The following OR9Q1 variants were observed in gnomAD, a reference collection of about 807,000 sequenced individuals.
OR9Q1 encodes olfactory receptor family 9 subfamily Q member 1.
For synonymous variants in OR9Q1, 153 were observed against 148.6 expected (o/e 1.03, Z -0.22); for missense variants, 374 against 378.8 (o/e 0.99, Z 0.11).
intron 2 of OR9Q1, among the ~76,000 whole-genome samples, chr11:58,174,395 C>T (rs1017820342): frequency 3.9e-5 from 6 of 152,112 alleles, no homozygotes; most frequent in Non-Finnish European, 8.8e-5. Flanking sequence ...TGTCTGGCCA[C>T]AGACCTATGA....
At chr11:58,090,704 T>C (rs929640987) in intron 2 of OR9Q1, among the ~76,000 whole-genome samples, 1 of 152,186 alleles carries the variant, frequency 6.6e-6, no homozygotes, top group Non-Finnish European at 1.5e-5. Flanking sequence ...TTGGAATAGT[T>C]TTAGAAGGAA....
intron 2 of OR9Q1, among the ~76,000 whole-genome samples, chr11:58,096,661 C>T (rs1194645283): frequency 6.7e-6 from 1 of 149,576 alleles, no homozygotes; most frequent in Non-Finnish European, 1.5e-5. Context: ...TATAGGCCTG[C>T]ACCATACACA....
chr11:58,107,984 G>A (rs984387866), intron 2 of OR9Q1, among the ~76,000 whole-genome samples: 5 of 152,104 alleles, frequency 3.3e-5, no homozygotes, highest in African/African-American at 4.8e-5. Context: ...CTGGGAACAA[G>A]CCTGAGAGCA....
At chr11:58,170,278 T>G (rs1278714989) in intron 2 of OR9Q1, among the ~76,000 whole-genome samples, 1 of 152,102 alleles carries the variant, frequency 6.6e-6, no homozygotes, top group East Asian at 1.9e-4. Context: ...AGGCAACATC[T>G]ACAATCTAAC....
chr11:58,077,074 A>C (rs1292812856), intron 2 of OR9Q1, among the ~76,000 whole-genome samples: 1 of 152,176 alleles, frequency 6.6e-6, no homozygotes. Flanking sequence ...GGAGTAGTGG[A>C]GTAGGGTGGA....
At chr11:58,131,980 A>T (rs1462057298) in intron 2 of OR9Q1, among the ~76,000 whole-genome samples, 1 of 152,210 alleles carries the variant, frequency 6.6e-6, no homozygotes, top group East Asian at 1.9e-4. Context: ...TAATAGTGGC[A>T]AAACTGCAAT....
At chr11:58,109,244 T>G in intron 2 of OR9Q1, 1 of 463,362 alleles carries the variant, frequency 2.2e-6, no homozygotes, top group Non-Finnish European at 4.4e-6. Flanking sequence ...ACCCTGCAGG[T>G]ACCTGGAGTC....
chr11:58,110,467 T>C (rs1391508247), intron 2 of OR9Q1, among the ~76,000 whole-genome samples: 2 of 152,202 alleles, frequency 1.3e-5, no homozygotes, highest in Non-Finnish European at 2.9e-5. Flanking sequence ...ATTAGGTTTA[T>C]GGAGCCTTTA....
intron 2 of OR9Q1, among the ~76,000 whole-genome samples, chr11:58,119,667 C>T (rs1309869635): frequency 6.6e-6 from 1 of 152,120 alleles, no homozygotes; most frequent in Non-Finnish European, 1.5e-5. Flanking sequence ...TCAAACTAAT[C>T]CTAGTTTACA....
intron 2 of OR9Q1, among the ~76,000 whole-genome samples, chr11:58,095,349 C>G (rs983985681): frequency 1.1e-4 from 17 of 152,236 alleles, no homozygotes; most frequent in African/African-American, 3.4e-4. Context: ...CACCCTAGAC[C>G]ACAGAAATTA....
intron 2 of OR9Q1, among the ~76,000 whole-genome samples, chr11:58,095,164 A>G (rs189102818): frequency 6.6e-6 from 1 of 152,348 alleles, no homozygotes; most frequent in Admixed American, 6.5e-5. Context: ...TAGATTTTCT[A>G]CAGCAGGGCT....
intron 2 of OR9Q1, among the ~76,000 whole-genome samples, chr11:58,130,254 G>A (rs545665143): frequency 8.5e-5 from 13 of 152,082 alleles, no homozygotes; most frequent in African/African-American, 3.1e-4. Context: ...AGAGTGCTGA[G>A]TTTACAAAGA....
chr11:58,146,120 A>G (rs1236510008), intron 2 of OR9Q1, among the ~76,000 whole-genome samples: 1 of 152,218 alleles, frequency 6.6e-6, no homozygotes, highest in Non-Finnish European at 1.5e-5. Context: ...GTAGGGCTGA[A>G]GTGAGTCCCA....
intron 2 of OR9Q1, among the ~76,000 whole-genome samples, chr11:58,063,425 A>T (rs1853398908): frequency 6.6e-6 from 1 of 152,210 alleles, no homozygotes; most frequent in African/African-American, 2.4e-5. Context: ...GTATTAATTT[A>T]TTTAATCTTA....
intron 2 of OR9Q1, among the ~76,000 whole-genome samples, chr11:58,133,877 T>G (rs182657687): frequency 1.3e-5 from 2 of 151,804 alleles, no homozygotes; most frequent in Admixed American, 6.6e-5. Context: ...ATTTTTGGAA[T>G]TGTTCAGTTC....
rs576037618 is a variant in OR9Q1 at position 58,063,953 on chromosome 11, A to G, written c.-15+8006A>G. Among the ~76,000 whole-genome samples the G allele has an allele frequency of 3.3e-5, 5 of 152,300 alleles. No individual in the cohort carries two copies. In the East Asian group the frequency reaches 5.8e-4, roughly 18 times the overall value. ...TTTCTGGGAAGGCTGCAAAGGAGGA[A>G]TGAGATGATCCTAGCCTGGGTTATA... On this transcript the variant is annotated intron_variant, in intron 2 of 2. Transcript: ENST00000335397.
intron 2 of OR9Q1, among the ~76,000 whole-genome samples, chr11:58,113,865 ATTTTAT>A (rs140357824): frequency 0.13 from 20,234 of 152,038 alleles, 2,157 homozygotes; most frequent in African/African-American, 0.26. Flanking sequence ...TCTGGAATGT[ATTTTAT>A]TTCCAAGCAT....
intron 2 of OR9Q1, among the ~76,000 whole-genome samples, chr11:58,110,113 G>C (rs1853885106): frequency 6.6e-6 from 1 of 152,160 alleles, no homozygotes. Flanking sequence ...GTGCCTCCAG[G>C]GTTGTCAGTG....
intron 1 of OR9Q1, among the ~76,000 whole-genome samples, chr11:58,025,318 C>T (rs1358118038): frequency 6.6e-6 from 1 of 152,164 alleles, no homozygotes; most frequent in Non-Finnish European, 1.5e-5. Context: ...GGGTGCCCGC[C>T]GTGCTACTAT....
Sources: allele counts gnomAD v4.1 joint callset (sites outside exome capture counted in the v4.1 genomes callset), GRCh38; gene constraint gnomAD v4.1.1; transcripts MANE v1.5; gene names NCBI Gene and HGNC (gene_info 2026-07-23, HGNC 2026-07-21).